Variants in KCNQ1 observed in about 807,000 individuals in gnomAD.
The protein encoded by KCNQ1 is potassium voltage-gated channel subfamily KQT member 1.
In KCNQ1, 49 loss-of-function variants were observed where a neutral mutation model predicts 72.4. That is an observed-to-expected ratio of 0.68 (90% CI 0.54 to 0.86). The LOEUF (loss-of-function observed/expected upper bound fraction) is 0.86. Ranked by LOEUF, KCNQ1 falls within the 40% of genes least tolerant of loss-of-function variation. The pLI is 0.00. For synonymous variants in KCNQ1, 450 were observed against 412.6 expected (o/e 1.09, Z -1.10); for missense variants, 790 against 945.1 (o/e 0.84, Z 2.15).
chr11:2,717,803 G>A (rs1009763928), intron 11 of KCNQ1, among the ~76,000 whole-genome samples: 4 of 152,218 alleles, frequency 2.6e-5, no homozygotes, highest in African/African-American at 4.8e-5. Flanking sequence ...AGCGGCTGGA[G>A]AGCAGGGAGC....
chr11:2,596,393 A>G (rs188964170), intron 10 of KCNQ1, among the ~76,000 whole-genome samples: 4 of 152,338 alleles, frequency 2.6e-5, no homozygotes, highest in Admixed American at 1.3e-4. Flanking sequence ...TGGAATATTC[A>G]TAGCAGCTTT....
chr11:2,499,358 C>G (rs372519681), intron 1 of KCNQ1, among the ~76,000 whole-genome samples: 11 of 152,154 alleles, frequency 7.2e-5, no homozygotes, highest in Admixed American at 3.3e-4. Flanking sequence ...TAGAGAAAAT[C>G]ACCTTCACTA....
intron 10 of KCNQ1, chr11:2,634,327 TCC>T (rs1554900017): frequency 3.2e-5 from 3 of 92,928 alleles, no homozygotes; most frequent in Non-Finnish European, 5.9e-5. Context: ...CCCTCCCCCC[TCC>T]CCCCCCACCC....
At chr11:2,694,703 C>T (rs1850645385) in intron 11 of KCNQ1, 2 of 398,498 alleles carry the variant, frequency 5.0e-6, no homozygotes, top group Admixed American at 4.4e-5. Context: ...CTTGGGGCCT[C>T]TCTTCCGGTG....
intron 2 of KCNQ1, among the ~76,000 whole-genome samples, chr11:2,542,532 G>A (rs189801513): frequency 9.8e-5 from 15 of 152,342 alleles, no homozygotes; most frequent in Admixed American, 5.2e-4. Context: ...ATGGGTGTAC[G>A]CCACAGGACC....
rs371350061 is a variant in KCNQ1 at position 2,478,749 on chromosome 11, A to G, written c.386+33265A>G. On this transcript the variant is annotated intron_variant, in intron 1 of 15. Transcript: ENST00000155840. This position sits in a 1 kb window ranked among gnomAD's most constrained non-coding sequence, Gnocchi z 4.0. ...ATGTCCTCACATTTCAAAACCAATC[A>G]TGCCTTCCCAACGGTGCCCCAAAGT... Among the ~76,000 whole-genome samples the G allele has an allele frequency of 1.2e-4, 19 of 152,228 alleles. No individual in the cohort carries two copies. The highest frequency in any genetic ancestry group is 9.7e-4 in the East Asian group (5 of 5,174).
chr11:2,845,737 T>C (rs1024577937), intron 15 of KCNQ1, among the ~76,000 whole-genome samples: 8 of 152,170 alleles, frequency 5.3e-5, no homozygotes, highest in Admixed American at 2.0e-4. Context: ...CACCCAGGGC[T>C]GGAAGTGGGT....
At chr11:2,633,620 G>A in intron 10 of KCNQ1, 1 of 398,484 alleles carries the variant, frequency 2.5e-6, no homozygotes, top group Non-Finnish European at 4.4e-6. Context: ...GTTCAACATG[G>A]TGTCCTTTCC....
At chr11:2,747,303 G>C (rs1002769763) in intron 11 of KCNQ1, among the ~76,000 whole-genome samples, 8 of 152,206 alleles carry the variant, frequency 5.3e-5, no homozygotes, top group African/African-American at 1.9e-4. Context: ...ACTTTAATGG[G>C]ACTTATTTTG....
chr11:2,468,232 G>C lies in KCNQ1; in HGVS notation c.386+22748G>C, dbSNP rs568973755. Among the ~76,000 whole-genome samples, 1 of 152,150 alleles carries C rather than the reference G, an allele frequency of 6.6e-6. No individual in the cohort carries two copies. Among genetic ancestry groups the C allele is most frequent in the East Asian group, 1.9e-4 (1 of 5,150 alleles). Reference sequence around the variant, plus strand: ...TGTGATCTTGGTTCACTGCAGCCTCGACCTCCCTGGCTCAAGAGATCCTCC... The same window carrying C: ...TGTGATCTTGGTTCACTGCAGCCTCCACCTCCCTGGCTCAAGAGATCCTCC... On this transcript the variant is annotated intron_variant, in intron 1 of 15. Coordinates refer to ENST00000155840, the MANE Select transcript of KCNQ1 (RefSeq NM_000218.3). The surrounding 1 kb of genome is among the most constrained non-coding windows in gnomAD (Gnocchi z 5.7).
At chr11:2,791,591 C>T (rs982843558) in intron 15 of KCNQ1, among the ~76,000 whole-genome samples, 5 of 151,826 alleles carry the variant, frequency 3.3e-5, no homozygotes, top group South Asian at 2.1e-4. Flanking sequence ...AAACCGCGGG[C>T]GGGGAAGGAA....
Position 2,813,907 on chromosome 11 carries a change from GA to G in KCNQ1, c.1795-33859del, listed in dbSNP as rs1364465628. On this transcript the variant is annotated intron_variant, in intron 15 of 15. Transcript: ENST00000155840. The surrounding 1 kb of genome is among the most constrained non-coding windows in gnomAD (Gnocchi z 4.4). ...GGGATGCGTGGAAGGATGGTTGATGGATGGATGGTTAGATGGATGAAGAGAT... is the reference window on the plus strand; with the variant it reads ...GGGATGCGTGGAAGGATGGTTGATGGTGGATGGTTAGATGGATGAAGAGAT... 6.6e-6 allele frequency among the ~76,000 whole-genome samples: 1 copy of G among 152,096 alleles called. No homozygotes were observed.
At chr11:2,807,548 C>T (rs892690163) in intron 15 of KCNQ1, among the ~76,000 whole-genome samples, 2 of 152,226 alleles carry the variant, frequency 1.3e-5, no homozygotes, top group African/African-American at 2.4e-5. Flanking sequence ...AATCCCTCCT[C>T]GGAACACTCC....
chr11:2,583,269 C>T (rs749637222), intron 6 of KCNQ1, among the ~76,000 whole-genome samples, 166 bp from the exon 7 acceptor site: 5 of 152,146 alleles, frequency 3.3e-5, no homozygotes, highest in Non-Finnish European at 5.9e-5. Context: ...TGTGCCATCC[C>T]GCGGCTCTGT....
At chr11:2,770,956 G>A (rs1443943000) in intron 12 of KCNQ1, among the ~76,000 whole-genome samples, 3 of 152,256 alleles carry the variant, frequency 2.0e-5, no homozygotes, top group Non-Finnish European at 2.9e-5. Context: ...CATGGGAAGG[G>A]CCAGGGTGTG....
At chr11:2,842,005 G>A (rs541057926) in intron 15 of KCNQ1, among the ~76,000 whole-genome samples, 40 of 152,326 alleles carry the variant, frequency 2.6e-4, no homozygotes, top group South Asian at 1.4e-3. Context: ...GCGCTGTGCC[G>A]AGGACCCGCT....
chr11:2,570,365 T>C (rs1270274532), intron 2 of KCNQ1, among the ~76,000 whole-genome samples: 1 of 152,126 alleles, frequency 6.6e-6, no homozygotes, highest in Non-Finnish European at 1.5e-5. Context: ...GTGTGGGGCC[T>C]CCTCTGGCCT....
In KCNQ1 at chr11:2,746,459, C is replaced by T. The variant is rs952262486; in HGVS notation, c.1515-22385C>T. 6.6e-6 allele frequency among the ~76,000 whole-genome samples: 1 copy of T among 152,180 alleles called. No homozygotes were observed. The highest frequency in any genetic ancestry group is 1.5e-5 in the Non-Finnish European group (1 of 68,034). ...CCCACCCAGGGTCCCATGTGACATT[C>T]CTCATCCGTCTCCCTGGGCTCCTCT... is the stretch of plus-strand genomic sequence containing the variant. On this transcript the variant is annotated intron_variant, in intron 11 of 15. Coordinates refer to ENST00000155840, the MANE Select transcript of KCNQ1 (RefSeq NM_000218.3). This position sits in a 1 kb window ranked among gnomAD's most constrained non-coding sequence, Gnocchi z 5.9.
rs1203431888 is a variant in KCNQ1 at position 2,471,426 on chromosome 11, C to A, written c.386+25942C>A. ...CCACAGCCTCTGACACTCCACGGCA[C>A]TAAAGTGTCAAGAGACCCAGGGGAC... is the stretch of plus-strand genomic sequence containing the variant. On this transcript the variant is annotated intron_variant, in intron 1 of 15. Transcript: ENST00000155840. This position sits in a 1 kb window ranked among gnomAD's most constrained non-coding sequence, Gnocchi z 4.8. Among the ~76,000 whole-genome samples the A allele has an allele frequency of 7.2e-5, 11 of 152,314 alleles. 1 individual carries two copies. Among genetic ancestry groups the A allele is most frequent in the African/African-American group, 2.6e-4 (11 of 41,562 alleles).
Sources: allele counts gnomAD v4.1 joint callset (sites outside exome capture counted in the v4.1 genomes callset), GRCh38; gene constraint gnomAD v4.1.1; non-coding constraint Gnocchi (gnomAD v3.1); transcripts MANE v1.5; gene names NCBI Gene and HGNC (gene_info 2026-07-23, HGNC 2026-07-21).